The following NCKAP5 variants were observed in gnomAD, a reference collection of about 807,000 sequenced individuals.
The protein encoded by NCKAP5 is NCK associated protein 5, also known as nck-associated protein 5.
In NCKAP5, 92 loss-of-function variants were observed where a neutral mutation model predicts 167.0. That is an observed-to-expected ratio of 0.55 (90% CI 0.47 to 0.66). The LOEUF (loss-of-function observed/expected upper bound fraction) is 0.66, where lower values mean the gene tolerates loss of function less well. NCKAP5 is among the 30% of genes least tolerant of loss of function. NCKAP5 has a pLI of 0.00. For synonymous variants in NCKAP5, 891 were observed against 877.4 expected (o/e 1.02, Z -0.27); for missense variants, 2,378 against 2,315.0 (o/e 1.03, Z -0.56).
At chr2:133,646,385 CAGA>C in the NCKAP5 span, among the ~76,000 whole-genome samples, 1 of 151,820 alleles carries the variant, frequency 6.6e-6, no homozygotes, top group African/African-American at 2.4e-5. Context: ...ATGAGACTAT[CAGA>C]AGATTTTTCT....
At chr2:133,277,908 G>C (rs762670791) in intron 4 of NCKAP5, among the ~76,000 whole-genome samples, 5 of 152,124 alleles carry the variant, frequency 3.3e-5, no homozygotes, top group Non-Finnish European at 7.4e-5. Flanking sequence ...TAAACAAACA[G>C]TGCTGGGACA....
the NCKAP5 span, among the ~76,000 whole-genome samples, chr2:133,608,204 A>T: frequency 6.6e-6 from 1 of 152,292 alleles, no homozygotes; most frequent in African/African-American, 2.4e-5. Context: ...AATCCTTATT[A>T]AAACTCCCCT....
intron 3 of NCKAP5, chr2:133,433,865 T>C (rs1189021409): frequency 2.0e-5 from 3 of 152,188 alleles, no homozygotes; most frequent in Non-Finnish European, 4.4e-5. Context: ...GTAAGTACTT[T>C]GGGACTACAG....
chr2:133,241,079 T>A (rs2087682618), intron 4 of NCKAP5, among the ~76,000 whole-genome samples: 1 of 152,238 alleles, frequency 6.6e-6, no homozygotes, highest in African/African-American at 2.4e-5. Context: ...AGCCTGTGAC[T>A]AGCAGGCAAA....
chr2:132,774,479 AT>A lies in NCKAP5; in HGVS notation c.5050-586del, dbSNP rs111929397. Among the ~76,000 whole-genome samples the A allele has an allele frequency of 7.3e-5, 11 of 151,328 alleles. No individual in the cohort carries two copies. The South Asian group carries it at 2.1e-3, about 29-fold the overall frequency. On this transcript the variant is annotated intron_variant, in intron 15 of 19. Transcript: ENST00000409261. ...AGAGCAGTGAGTCATTTATCTAGAT[AT>A]TTTTTTTTGAGCCAAAAACATTCCC...
At chr2:132,839,317 A>C (rs772181065) in intron 11 of NCKAP5, among the ~76,000 whole-genome samples, 5 of 152,192 alleles carry the variant, frequency 3.3e-5, no homozygotes, top group Admixed American at 6.5e-5. Flanking sequence ...AAAATCTTAT[A>C]TATATCTACA....
intron 3 of NCKAP5, among the ~76,000 whole-genome samples, chr2:133,505,137 G>C (rs1290484935): frequency 1.3e-5 from 2 of 152,102 alleles, no homozygotes; most frequent in East Asian, 3.9e-4. Flanking sequence ...AAAATTACCT[G>C]TTATAAATAG....
rs183352421 is a variant in NCKAP5 at position 132,756,715 on chromosome 2, T to C, written c.5128+17101A>G. ...CAGGAAAACATTTTGACTGGGTCAA[T>C]GGTGAGGGGAAATGACATCTTTGGA... On this transcript the variant is annotated intron_variant, in intron 16 of 19. Coordinates refer to ENST00000409261, the MANE Select transcript of NCKAP5 (RefSeq NM_207363.3). Among the ~76,000 whole-genome samples the C allele has an allele frequency of 3.3e-3, 505 of 152,294 alleles. 2 individuals are homozygous for C. Among genetic ancestry groups the C allele is most frequent in the African/African-American group, 0.012 (491 of 41,568 alleles).
At chr2:132,738,433 C>T (rs1192777544) in intron 16 of NCKAP5, among the ~76,000 whole-genome samples, 2 of 152,208 alleles carry the variant, frequency 1.3e-5, no homozygotes, top group Non-Finnish European at 2.9e-5. Context: ...AAGTGGAATG[C>T]TGCCATACTG....
At chr2:133,318,447 G>GA (rs532950699) in intron 3 of NCKAP5, among the ~76,000 whole-genome samples, 14 of 152,274 alleles carry the variant, frequency 9.2e-5, no homozygotes, top group African/African-American at 3.4e-4. Context: ...CCAATACTGT[G>GA]ATTAAAAAGT....
chr2:133,319,464 T>C (rs1489696610), intron 3 of NCKAP5, among the ~76,000 whole-genome samples: 1 of 152,140 alleles, frequency 6.6e-6, no homozygotes, highest in Non-Finnish European at 1.5e-5. Context: ...GTTACCTTTT[T>C]TTTTAAGTAT....
At chr2:132,873,456 G>A (rs1264834916) in intron 9 of NCKAP5, among the ~76,000 whole-genome samples, 1 of 152,120 alleles carries the variant, frequency 6.6e-6, no homozygotes, top group African/African-American at 2.4e-5. Context: ...TTGGAAAGGC[G>A]TGAGGGGTAT....
chr2:132,731,269 C>T (rs966674767), intron 17 of NCKAP5, among the ~76,000 whole-genome samples: 1 of 152,178 alleles, frequency 6.6e-6, no homozygotes, highest in African/African-American at 2.4e-5. Flanking sequence ...GCAATCGGTG[C>T]ACGATCTACT....
intron 4 of NCKAP5, among the ~76,000 whole-genome samples, chr2:133,233,535 A>G (rs2087250435): frequency 6.6e-6 from 1 of 152,178 alleles, no homozygotes; most frequent in Admixed American, 6.5e-5. Flanking sequence ...TGCTGAATAT[A>G]GATGCTTCCT....
chr2:133,452,482 T>C (rs1233701789), intron 3 of NCKAP5, among the ~76,000 whole-genome samples: 1 of 152,194 alleles, frequency 6.6e-6, no homozygotes, highest in Middle Eastern at 3.4e-3. Context: ...AATGGAGAAA[T>C]TGTCCCCAAA....
rs60589235 is a variant in NCKAP5 at position 132,965,904 on chromosome 2, TTGTGTGTGTGTG to T, written c.430-2047_430-2036del. Among the ~76,000 whole-genome samples, 1,242 of 140,952 alleles carry T rather than the reference TTGTGTGTGTGTG, an allele frequency of 8.8e-3. 5 individuals carry two copies. Among genetic ancestry groups the T allele is most frequent in the Non-Finnish European group, 0.013 (844 of 63,676 alleles). 92.5% of individuals were successfully genotyped at this position (140,952 alleles called of 152,430 possible). ...ACATCTTTATAAGGTACATGACTCT[TTGTGTGTGTGTG>T]TGTGTGTGTGTGTGTGTGTGTGTGT... On this transcript the variant is annotated intron_variant, in intron 7 of 19. Coordinates refer to ENST00000409261, the MANE Select transcript of NCKAP5 (RefSeq NM_207363.3).
intron 8 of NCKAP5, among the ~76,000 whole-genome samples, chr2:132,903,196 A>G (rs2148919158): frequency 6.6e-6 from 1 of 152,280 alleles, no homozygotes; most frequent in South Asian, 2.1e-4. Context: ...CACATGGGCT[A>G]CTCATAAATT....
In NCKAP5 at chr2:132,783,523, G is replaced by A. The variant is rs770263063; in HGVS notation, c.3288C>T (p.Ala1096=). 9.9e-6 allele frequency: 16 copies of A among 1,613,314 alleles called. No individual in the cohort carries two copies. Among genetic ancestry groups the A allele is most frequent in the African/African-American group, 1.3e-5 (1 of 74,898 alleles). ...AGAAGGAAGGCTTGGGGGGTGTGGAGGCGCTATCATTCAATTGTCCTTTTC... is the reference window on the plus strand; with the variant it reads ...AGAAGGAAGGCTTGGGGGGTGTGGAAGCGCTATCATTCAATTGTCCTTTTC... ...PGRKGQLNDS[A]STPPKPSFLG... The change falls in exon 14 of 20, where the codon GCC becomes GCT. Residue 1096 remains alanine (A), a synonymous_variant. Transcript: ENST00000409261.
At chr2:133,154,526 G>A (rs2083502004) in intron 5 of NCKAP5, among the ~76,000 whole-genome samples, 1 of 152,212 alleles carries the variant, frequency 6.6e-6, no homozygotes, top group Non-Finnish European at 1.5e-5. Flanking sequence ...TCTGCAAGGG[G>A]CTGAGATAAT....
Sources: gnomAD v4.1 joint callset for allele counts (sites outside exome capture counted in the v4.1 genomes callset) on GRCh38, gnomAD v4.1.1 for gene constraint, MANE v1.5 for transcripts, NCBI Gene and HGNC (gene_info 2026-07-23, HGNC 2026-07-21) for gene names.